The following PTK2B variants were observed in gnomAD, a reference collection of about 807,000 sequenced individuals.
PTK2B encodes the protein protein-tyrosine kinase 2-beta.
In PTK2B, 71 loss-of-function variants were observed where a neutral mutation model predicts 142.9. The ratio of observed to expected loss-of-function variants is 0.50; its 90% confidence interval spans 0.41 to 0.61. PTK2B has a LOEUF of 0.61. PTK2B is among the 20% of genes least tolerant of loss of function. The pLI is 0.00. For synonymous variants in PTK2B, 519 were observed against 503.4 expected, an observed-to-expected ratio of 1.03 and a Z score of -0.42; for missense variants, 1,105 against 1,320.4, an observed-to-expected ratio of 0.84 and a Z score of 2.53.
intron 1 of PTK2B, among the ~76,000 whole-genome samples, chr8:27,351,284 C>T (rs973667656): frequency 2.0e-5 from 3 of 151,590 alleles, no homozygotes; most frequent in African/African-American, 7.3e-5. Flanking sequence ...AATAGAAAGT[C>T]ATGGAATCAA....
At chr8:27,323,262 C>T (rs1447581753), upstream of PTK2B, 1 of 152,256 alleles carries the variant, frequency 6.6e-6, no homozygotes, top group African/African-American at 2.4e-5. Flanking sequence ...TGTTGACATT[C>T]ACAGGGAGGG....
chr8:27,431,260 ATGGCCAGGGTTT>A (rs1810400728), intron 8 of PTK2B, 126 bp from the exon 9 acceptor site: 2 of 1,536,522 alleles, frequency 1.3e-6, no homozygotes, highest in Non-Finnish European at 1.8e-6. Context: ...GAAGATCCAT[ATGGCCAGGGTTT>A]CGGTGAGAAG....
intron 3 of PTK2B, among the ~76,000 whole-genome samples, chr8:27,316,225 G>C (rs1414968894): frequency 6.6e-6 from 1 of 151,868 alleles, no homozygotes; most frequent in East Asian, 1.9e-4. Context: ...ATTTGTGTAA[G>C]GAATAACTTT....
chr8:27,457,524 T>A (rs1812208226), intron 30 of PTK2B, among the ~76,000 whole-genome samples: 1 of 152,240 alleles, frequency 6.6e-6, no homozygotes, highest in Admixed American at 6.5e-5. Context: ...ATTTCTCTTA[T>A]GGATCTGGCC....
chr8:27,429,100 T>C (rs554236842), intron 5 of PTK2B, among the ~76,000 whole-genome samples: 1 of 152,306 alleles, frequency 6.6e-6, no homozygotes, highest in East Asian at 1.9e-4. Flanking sequence ...AGAGACAAGG[T>C]TTCACCATGT....
At chr8:27,366,022 A>G (rs1337661254) in intron 1 of PTK2B, among the ~76,000 whole-genome samples, 3 of 152,240 alleles carry the variant, frequency 2.0e-5, no homozygotes, top group African/African-American at 7.2e-5. Context: ...TCTGGCAGCC[A>G]GCCCTGGCAC....
chr8:27,329,557 C>T (rs995453248), intron 1 of PTK2B, among the ~76,000 whole-genome samples: 4 of 152,096 alleles, frequency 2.6e-5, no homozygotes, highest in African/African-American at 9.7e-5. Context: ...CCCTGGCCTC[C>T]CAGGTAAATG....
chr8:27,365,114 C>T (rs1438262506), intron 1 of PTK2B, among the ~76,000 whole-genome samples: 1 of 152,208 alleles, frequency 6.6e-6, no homozygotes, highest in Non-Finnish European at 1.5e-5. Context: ...CAACTCATAT[C>T]CTGCCTTTCC....
At chr8:27,448,017 A>G (rs1488900334) in intron 24 of PTK2B, among the ~76,000 whole-genome samples, 1 of 152,250 alleles carries the variant, frequency 6.6e-6, no homozygotes, top group Non-Finnish European at 1.5e-5. Flanking sequence ...ACTTACCTGT[A>G]ATGCAAGCCA....
At chr8:27,313,054 C>T (rs113160121) in intron 2 of PTK2B, among the ~76,000 whole-genome samples, 1 of 152,222 alleles carries the variant, frequency 6.6e-6, no homozygotes, top group African/African-American at 2.4e-5. Context: ...ATAATTCCCA[C>T]GTGTCAAGGG....
intron 4 of PTK2B, among the ~76,000 whole-genome samples, chr8:27,422,088 C>A (rs944401398): frequency 6.6e-6 from 1 of 152,178 alleles, no homozygotes; most frequent in Non-Finnish European, 1.5e-5. Flanking sequence ...GAGAGAATGC[C>A]TGTAAAAGCA....
intron 5 of PTK2B, among the ~76,000 whole-genome samples, chr8:27,424,146 T>C (rs561543927): frequency 6.6e-6 from 1 of 152,238 alleles, no homozygotes; most frequent in East Asian, 1.9e-4. Context: ...CCTTTTTATT[T>C]ATGGATCTCA....
At position 27,433,459 on chromosome 8, in the gene PTK2B, C is replaced by T; in HGVS notation, c.1012C>T (p.Leu338=). The change falls in exon 11 of 31, where the codon CTA becomes TTA. Residue 338 remains leucine, a synonymous_variant. Transcript: ENST00000346049. ...GGCCTTGTCCATCAAAACCTCATCC[C>T]TAGCAGAGGCTGAGAACATGGCTGA... The part of the protein sequence containing the change: ...PQALSIKTSS[L]AEAENMADLI... 6.2e-7 allele frequency: 1 copy of T among 1,614,188 alleles called. No individual in the cohort carries two copies. The highest frequency in any genetic ancestry group is 8.5e-7 in the Non-Finnish European group (1 of 1,179,988).
chr8:27,351,049 G>A (rs1377633613), intron 1 of PTK2B, among the ~76,000 whole-genome samples: 1 of 112,972 alleles, frequency 8.9e-6, no homozygotes, highest in Non-Finnish European at 1.7e-5. Flanking sequence ...ATACGTGCTT[G>A]GAGCAGGCAC....
Position 27,433,426 on chromosome 8 carries a change from G to A in PTK2B, c.988-9G>A. 6.2e-7 allele frequency: 1 copy of A among 1,611,666 alleles called. No individual in the cohort carries two copies. On this transcript the variant is annotated splice_polypyrimidine_tract_variant and intron_variant, in intron 10 of 30. Coordinates refer to ENST00000346049, the MANE Select transcript of PTK2B (RefSeq NM_173176.3). ...GGGGTCTCACCCTTGGCTGGTCTCTGCTCCGCAGGCCTTGTCCATCAAAAC... is the reference window on the plus strand; with the variant it reads ...GGGGTCTCACCCTTGGCTGGTCTCTACTCCGCAGGCCTTGTCCATCAAAAC...
Position 27,430,907 on chromosome 8 carries a change from C to T in PTK2B, c.701C>T (p.Thr234Ile). 6.2e-7 allele frequency: 1 copy of T among 1,614,188 alleles called. No homozygotes were observed. The highest frequency in any genetic ancestry group is 8.5e-7 in the Non-Finnish European group (1 of 1,180,028). Residue 234 changes from threonine (T) to isoleucine (I), a missense_variant, in exon 8 of 31, where the codon ACC (threonine) becomes ATC (isoleucine). Transcript: ENST00000346049. The part of the protein sequence containing the change: ...PKQFRKMIQQ[T>I]FQQYASLREE... ...CAGTTCCGGAAGATGATCCAGCAGA[C>T]CTTCCAGCAGTACGCCTCGCTCAGG...
At chr8:27,311,142 C>G, upstream of PTK2B, 1 of 1,605,048 alleles carries the variant, frequency 6.2e-7, no homozygotes, top group Non-Finnish European at 8.5e-7. Context: ...CGCAGAGTGA[C>G]TGCGTCGCGG....
At chr8:27,418,581 A>G (rs1809546704) in intron 2 of PTK2B, among the ~76,000 whole-genome samples, 2 of 152,204 alleles carry the variant, frequency 1.3e-5, no homozygotes, top group Non-Finnish European at 2.9e-5. Context: ...AGGCTGATGT[A>G]GGCTTGATGG....
At position 27,454,193 on chromosome 8, in the gene PTK2B, C is replaced by T; in HGVS notation, c.2635C>T (p.Leu879=). 6.2e-7 allele frequency: 1 copy of T among 1,614,124 alleles called. No individual in the cohort carries two copies. The highest frequency in any genetic ancestry group is 8.5e-7 in the Non-Finnish European group (1 of 1,179,994). ...AGCTAACCTGGACCGGACTGATGAC[C>T]TGGTGTACCTCAATGTCATGGAGCT... is the stretch of plus-strand genomic sequence containing the variant. ...PTANLDRTDD[L]VYLNVMELVR... is the part of the protein sequence containing the mutation. The change falls in exon 29 of 31, where the codon CTG becomes TTG. Residue 879 remains leucine, a synonymous_variant. Transcript: ENST00000346049.
Sources: gnomAD v4.1 joint callset for allele counts (sites outside exome capture counted in the v4.1 genomes callset) on GRCh38, gnomAD v4.1.1 for gene constraint, MANE v1.5 for transcripts, NCBI Gene and HGNC (gene_info 2026-07-23, HGNC 2026-07-21) for gene names.